The following WDR72 variants were observed in gnomAD, a reference collection of about 807,000 sequenced individuals.
The protein encoded by WDR72 is WD repeat domain 72.
In WDR72, 120 loss-of-function variants were observed where a neutral mutation model predicts 124.2. The ratio of observed to expected loss-of-function variants is 0.97; its 90% CI spans 0.83 to 1.12. WDR72 has a LOEUF of 1.12. WDR72 is among the 50% of genes most tolerant of loss of function. The pLI is 0.00. For synonymous variants in WDR72, 452 were observed against 441.7 expected, an observed-to-expected ratio of 1.02 and a Z score of -0.29; for missense variants, 1,387 against 1,278.8, an observed-to-expected ratio of 1.08 and a Z score of -1.29.
At chr15:53,715,470 A>T (rs1272227227) in intron 4 of WDR72, 103 bp from the exon 5 acceptor site, 38 of 1,387,942 alleles carry the variant, frequency 2.7e-5, no homozygotes, top group Middle Eastern at 1.8e-4. Context: ...CATATGATCA[A>T]TTAAGGTATT....
intron 9 of WDR72, among the ~76,000 whole-genome samples, chr15:53,708,687 A>G (rs1396827428): frequency 6.6e-6 from 1 of 152,158 alleles, no homozygotes; most frequent in African/African-American, 2.4e-5. Context: ...TGTCATCATC[A>G]TCACCATCAT....
chr15:53,538,549 C>A (rs761566413), intron 18 of WDR72, among the ~76,000 whole-genome samples: 6 of 152,124 alleles, frequency 3.9e-5, no homozygotes, highest in Non-Finnish European at 7.4e-5. Flanking sequence ...TAGAAAGCAC[C>A]ATAAAACCTC....
chr15:53,594,296 C>T (rs2012656433), intron 18 of WDR72, among the ~76,000 whole-genome samples: 1 of 134,962 alleles, frequency 7.4e-6, no homozygotes, highest in African/African-American at 2.5e-5. Flanking sequence ...CACCAAGAAA[C>T]CAAGAAAGAA....
intron 14 of WDR72, among the ~76,000 whole-genome samples, chr15:53,653,558 G>C (rs1003326944): frequency 6.6e-6 from 1 of 152,110 alleles, no homozygotes; most frequent in Non-Finnish European, 1.5e-5. Flanking sequence ...CTGGGTCATG[G>C]GACTGAACCT....
intron 4 of WDR72, among the ~76,000 whole-genome samples, chr15:53,715,650 A>T (rs554812899): frequency 7.5e-6 from 1 of 134,076 alleles, no homozygotes; most frequent in Admixed American, 7.5e-5. Context: ...CTGGAGTGCA[A>T]CTTGGAACTA....
intron 13 of WDR72, among the ~76,000 whole-genome samples, chr15:53,674,692 T>C (rs1043199420): frequency 4.6e-5 from 7 of 152,216 alleles, no homozygotes; most frequent in Admixed American, 1.3e-4. Flanking sequence ...TTTTGTACTA[T>C]ATAGAGGCCC....
intron 1 of WDR72, among the ~76,000 whole-genome samples, chr15:53,750,364 T>A (rs532788411): frequency 6.6e-6 from 1 of 152,316 alleles, no homozygotes; most frequent in East Asian, 1.9e-4. Flanking sequence ...GAGTATTTTA[T>A]GCTTATTGTT....
rs1166911933 is a variant in WDR72, at chr15:53,665,606, G to A, written c.1928C>T (p.Pro643Leu). 3.1e-6 allele frequency: 5 copies of A among 1,613,886 alleles called. No homozygotes were observed. Among genetic ancestry groups the A allele is most frequent in the Non-Finnish European group, 4.2e-6 (5 of 1,179,846 alleles). The change falls in exon 14 of 20, where the codon CCT becomes CTT. Residue 643 changes from proline (P) to leucine (L), a missense_variant. Transcript: ENST00000360509. ...SSSPYQLGPL[P>L]CPGLQVESSC... ...AGACTCCACCTGCAGACCAGGGCAA[G>A]GTAATGGCCCAAGCTGGTAGGGGCT...
chr15:53,729,490 A>AAAC (rs1487545911), intron 2 of WDR72, among the ~76,000 whole-genome samples: 1 of 150,616 alleles, frequency 6.6e-6, no homozygotes, highest in Non-Finnish European at 1.5e-5. Flanking sequence ...TCTAGTGAAA[A>AAAC]AAAAACAAAA....
rs371629457 is a variant in WDR72 at position 53,546,449 on chromosome 15, G to A, written c.3149-23127C>T. Among the ~76,000 whole-genome samples the A allele has an allele frequency of 3.1e-4, 46 of 150,662 alleles. No homozygotes were observed. In the East Asian group the frequency reaches 4.7e-3, roughly 15 times the overall value. The stretch of plus-strand genomic sequence containing the variant: ...AAACACCGCATATTCTCACTCATAG[G>A]TGGGAATTGAACAATGAGATCACAT... On this transcript the variant is annotated intron_variant, in intron 18 of 19. Coordinates refer to ENST00000360509, the MANE Select transcript of WDR72 (RefSeq NM_182758.4).
chr15:53,526,019 T>C (rs1380706705), intron 18 of WDR72, among the ~76,000 whole-genome samples: 1 of 152,056 alleles, frequency 6.6e-6, no homozygotes, highest in Non-Finnish European at 1.5e-5. Context: ...TCCTGTGATG[T>C]TTCATCACTG....
At chr15:53,737,484 C>T (rs2018390729) in intron 1 of WDR72, among the ~76,000 whole-genome samples, 1 of 151,926 alleles carries the variant, frequency 6.6e-6, no homozygotes, top group Non-Finnish European at 1.5e-5. Flanking sequence ...TAATAATGTA[C>T]CAGGCAAATA....
rs1196063756 is a variant in WDR72, at chr15:53,513,832, GAGA to G, written c.*3864_*3866del. The G allele has an allele frequency of 1.3e-5, 2 of 152,166 alleles. No individual in the cohort carries two copies. Among genetic ancestry groups the G allele is most frequent in the Non-Finnish European group, 2.9e-5 (2 of 68,040 alleles). 9.4% of individuals were successfully genotyped at this position (152,166 alleles called of 1,614,324 possible). ...AACATTTTACATAAAGATGGTATCT[GAGA>G]AGGTCAAGATGAAGGTGAAAAGAGT... On this transcript the variant is annotated 3_prime_UTR_variant, in exon 20 of 20. Coordinates refer to ENST00000360509, the MANE Select transcript of WDR72 (RefSeq NM_182758.4).
intron 14 of WDR72, among the ~76,000 whole-genome samples, chr15:53,655,248 A>AG (rs1431647149): frequency 4.0e-5 from 6 of 149,696 alleles, no homozygotes; most frequent in African/African-American, 1.5e-4. Context: ...AAAAAAAAAA[A>AG]AAAAAAAAAA....
rs776344417 is a variant in WDR72 at position 53,712,747 on chromosome 15, T to C, written c.711+25A>G. On this transcript the variant is annotated intron_variant, in intron 7 of 19. Coordinates refer to ENST00000360509, the MANE Select transcript of WDR72 (RefSeq NM_182758.4). ...AAAAATTACACTTGTACATCACTGG[T>C]ATTTATTATGTTACTTTATAATACC... is the stretch of plus-strand genomic sequence containing the variant. The C allele has an allele frequency of 1.9e-6, 3 of 1,604,260 alleles. No individual in the cohort carries two copies. In the East Asian group the frequency reaches 6.7e-5, roughly 36 times the overall value.
At chr15:53,667,432 G>GA (rs5812702) in intron 13 of WDR72, among the ~76,000 whole-genome samples, 126,457 of 151,702 alleles carry the variant, frequency 0.83, 54,727 homozygotes, top group Middle Eastern at 0.94. Context: ...TATAAATTAG[G>GA]AAAAAAAATA....
chr15:53,706,794 A>G (rs1160726148), intron 9 of WDR72, among the ~76,000 whole-genome samples: 1 of 152,078 alleles, frequency 6.6e-6, no homozygotes, highest in Non-Finnish European at 1.5e-5. Flanking sequence ...AAATGATTCC[A>G]TAATTTATAA....
chr15:53,665,711 T>G lies in WDR72; in HGVS notation c.1823A>C (p.Asp608Ala). ...ERARIILNCCDDSQLVKSVLP... is the reference protein window; with the variant it reads ...ERARIILNCCADSQLVKSVLP... Reference sequence around the variant, plus strand: ...TACAGACTTCACAAGCTGTGAATCATCACAACAATTAAGAATAATTCGTGC... The same window carrying G: ...TACAGACTTCACAAGCTGTGAATCAGCACAACAATTAAGAATAATTCGTGC... The change falls in exon 14 of 20, where the codon GAT becomes GCT. Residue 608 changes from aspartate to alanine, a missense_variant. Physicochemically the swap from Asp to Ala is moderately radical, Grantham distance 126 (BLOSUM62 -2). Coordinates refer to ENST00000360509, the MANE Select transcript of WDR72 (RefSeq NM_182758.4). The G allele has an allele frequency of 6.2e-7, 1 of 1,613,914 alleles. No individual in the cohort carries two copies. The highest frequency in any genetic ancestry group is 8.5e-7 in the Non-Finnish European group (1 of 1,179,882).
intron 14 of WDR72, among the ~76,000 whole-genome samples, chr15:53,655,569 A>G (rs2015391987): frequency 6.6e-6 from 1 of 152,188 alleles, no homozygotes; most frequent in Non-Finnish European, 1.5e-5. Flanking sequence ...GATTGGCCTG[A>G]GAGACAAGAA....
Sources: gnomAD v4.1 joint callset for allele counts (sites outside exome capture counted in the v4.1 genomes callset) on GRCh38, gnomAD v4.1.1 for gene constraint, MANE v1.5 for transcripts, NCBI Gene and HGNC (gene_info 2026-07-23, HGNC 2026-07-21) for gene names.